The following MAP3K12 variants were observed in gnomAD, a reference collection of about 807,000 sequenced individuals.
The protein encoded by MAP3K12 is MAPK-upstream kinase.
In MAP3K12, 14 loss-of-function variants were observed where a neutral mutation model predicts 87.5. The ratio of observed to expected loss-of-function variants is 0.16; its 90% CI spans 0.11 to 0.25. The LOEUF (loss-of-function observed/expected upper bound fraction) is 0.25, where lower values mean the gene tolerates loss of function less well. Among genes scored for constraint, MAP3K12 ranks in the 10% least tolerant of loss-of-function variants. MAP3K12 has a pLI of 1.00. For missense variants in MAP3K12, 802 were observed against 1,140.4 expected, an observed-to-expected ratio of 0.70 and a Z score of 4.27; for synonymous variants, 469 against 452.5, an observed-to-expected ratio of 1.04 and a Z score of -0.46.
intron 1 of MAP3K12, among the ~76,000 whole-genome samples, chr12:53,491,876 C>G (rs1350372139): frequency 6.6e-6 from 1 of 151,444 alleles, no homozygotes. Context: ...GAGTTTGAGA[C>G]CAGCCTGGGG....
At chr12:53,496,211 A>G (rs1943545081) in intron 1 of MAP3K12, among the ~76,000 whole-genome samples, 1 of 152,100 alleles carries the variant, frequency 6.6e-6, no homozygotes. Flanking sequence ...ATAAACTGTG[A>G]TTTCAGGTTC....
intron 1 of MAP3K12, among the ~76,000 whole-genome samples, chr12:53,495,559 A>C (rs1177790035): frequency 3.3e-5 from 5 of 150,474 alleles, no homozygotes; most frequent in African/African-American, 1.2e-4. Flanking sequence ...AAAAAAAAAA[A>C]AAAAAAAAAT....
chr12:53,496,862 AAC>A (rs1943557808), intron 1 of MAP3K12, among the ~76,000 whole-genome samples: 2 of 152,168 alleles, frequency 1.3e-5, no homozygotes, highest in Admixed American at 6.5e-5. Context: ...TAGAGGAGAG[AAC>A]ACAGGCCTCA....
At chr12:53,497,169 C>T (rs1222851622) in intron 1 of MAP3K12, among the ~76,000 whole-genome samples, 2 of 152,192 alleles carry the variant, frequency 1.3e-5, no homozygotes, top group Admixed American at 6.5e-5. Context: ...CTCACTTGGT[C>T]TTGTTACGGG....
intron 6 of MAP3K12, 72 bp from the exon 7 acceptor site, chr12:53,484,437 T>C: frequency 4.6e-6 from 5 of 1,088,480 alleles, no homozygotes; most frequent in Non-Finnish European, 7.0e-6. Context: ...GAGCATCCTT[T>C]CCCAAAGTGT....
intron 1 of MAP3K12, among the ~76,000 whole-genome samples, chr12:53,494,044 C>T (rs1180244888): frequency 6.6e-6 from 1 of 152,170 alleles, no homozygotes; most frequent in Non-Finnish European, 1.5e-5. Context: ...ATTCCTCTCT[C>T]CCAACACACA....
intron 1 of MAP3K12, among the ~76,000 whole-genome samples, chr12:53,494,993 C>G (rs372510040): frequency 1.3e-5 from 2 of 151,872 alleles, no homozygotes; most frequent in African/African-American, 2.4e-5. Context: ...TGATCCTCCC[C>G]CTTCAGCCTC....
chr12:53,496,707 T>C (rs1471105405), intron 1 of MAP3K12, among the ~76,000 whole-genome samples: 1 of 152,282 alleles, frequency 6.6e-6, no homozygotes, highest in Non-Finnish European at 1.5e-5. Context: ...CGTATATTCC[T>C]AGTATTTCAG....
rs757231165 is a variant in MAP3K12 at position 53,487,315 on chromosome 12, A to C, written c.77T>G (p.Met26Arg). Reference sequence around the variant, plus strand: ...AGAAGTGTCTGGGTCCAGCTTGCGCATGGATGCCTCACTTAGGGTAGACAC... The same window carrying C: ...AGAAGTGTCTGGGTCCAGCTTGCGCCTGGATGCCTCACTTAGGGTAGACAC... ...GFVSTLSEASMRKLDPDTSDC... is the reference protein window; with the variant it reads ...GFVSTLSEASRRKLDPDTSDC... The change falls in exon 2 of 14, where the codon ATG becomes AGG. Residue 26 changes from methionine to arginine, a missense_variant. Physicochemically the swap from Met to Arg is moderately conservative, Grantham distance 91. Transcript: ENST00000547488. 6.2e-7 allele frequency: 1 copy of C among 1,614,004 alleles called. No homozygotes were observed. Among genetic ancestry groups the C allele is most frequent in the Non-Finnish European group, 8.5e-7 (1 of 1,179,984 alleles).
chr12:53,481,256 C>CGAA lies in MAP3K12; in HGVS notation c.2604_2605insTTC (p.Ser868_Asp869insPhe), dbSNP rs748126807. ...TTGTCCAATTCAGTGCTGTCACAGT[C>CGAA]TGAGTCCTCAGAATTGGGAGGGCCC... is the stretch of plus-strand genomic sequence containing the variant. On this transcript the variant is annotated inframe_insertion, in exon 14 of 14. Coordinates refer to ENST00000547488, the MANE Select transcript of MAP3K12 (RefSeq NM_001193511.2). 3.2e-6 allele frequency: 5 copies of CGAA among 1,565,886 alleles called. No individual in the cohort carries two copies. In the African/African-American group the frequency reaches 6.9e-5, roughly 22 times the overall value.
At position 53,486,752 on chromosome 12, in the gene MAP3K12, A is replaced by G; in HGVS notation, c.446-130T>C. The G allele has an allele frequency of 6.9e-7, 1 of 1,454,496 alleles. No individual in the cohort carries two copies. Among genetic ancestry groups the G allele is most frequent in the African/African-American group, 1.4e-5 (1 of 70,160 alleles). 90.1% of individuals were successfully genotyped at this position (1,454,496 alleles called of 1,614,324 possible). A position where few individuals can be genotyped will look rare whatever the true frequency, so the allele number is the denominator to read the frequency against. On this transcript the variant is annotated intron_variant, in intron 2 of 13. Coordinates refer to ENST00000547488, the MANE Select transcript of MAP3K12 (RefSeq NM_001193511.2). The surrounding 1 kb of genome is among the most constrained non-coding windows in gnomAD (Gnocchi z 4.9). ...AGAAAGCCAAAAATAGGCCAAGAAG[A>G]AGGTTCGAGGGGACAGGGAAGGAAT...
In MAP3K12 at chr12:53,495,271, G is replaced by A. The variant is rs1218190886; in HGVS notation, c.-38+4156C>T. ...GGAGAATGGCGTGAACCCAGGGGGC[G>A]GAGCCTGCAGTGAGCCGAGATGGAG... On this transcript the variant is annotated intron_variant, in intron 1 of 13. Transcript: ENST00000547488. Among the ~76,000 whole-genome samples the A allele has an allele frequency of 4.1e-5, 6 of 146,188 alleles. No homozygotes were observed. The South Asian group carries it at 6.6e-4, about 16-fold the overall frequency.
In MAP3K12 at chr12:53,482,284, A is replaced by T. The variant is rs1943078296; in HGVS notation, c.2309+15T>A. 1.2e-6 allele frequency: 2 copies of T among 1,613,972 alleles called. No homozygotes were observed. Among genetic ancestry groups the T allele is most frequent in the African/African-American group, 2.7e-5 (2 of 74,898 alleles). On this transcript the variant is annotated intron_variant, in intron 12 of 13. Transcript: ENST00000547488. Reference sequence around the variant, plus strand: ...AAACAAGAATGCCATTAATTCTTGTAATGCCATCACTTACCTCTGGCTTGA... The same window carrying T: ...AAACAAGAATGCCATTAATTCTTGTTATGCCATCACTTACCTCTGGCTTGA...
Position 53,481,841 on chromosome 12 carries a change from C to A in MAP3K12, c.2580+100G>T, listed in dbSNP as rs896660980. 1.7e-5 allele frequency: 24 copies of A among 1,428,062 alleles called. No individual in the cohort carries two copies. In the South Asian group the frequency reaches 3.0e-4, roughly 18 times the overall value. The allele number at this position is 1,428,062 out of a possible 1,614,324, so 88.5% of individuals were successfully genotyped here. Reference sequence around the variant, plus strand: ...GGATATTTGCTCTTTATGGTACTTTCTGGCCTGTGCAGCTGTCTCCCCAAA... The same window carrying A: ...GGATATTTGCTCTTTATGGTACTTTATGGCCTGTGCAGCTGTCTCCCCAAA... On this transcript the variant is annotated intron_variant, in intron 13 of 13. Coordinates refer to ENST00000547488, the MANE Select transcript of MAP3K12 (RefSeq NM_001193511.2).
chr12:53,492,616 C>T (rs1943444031), intron 1 of MAP3K12, among the ~76,000 whole-genome samples: 1 of 152,108 alleles, frequency 6.6e-6, no homozygotes, highest in Admixed American at 6.5e-5. Context: ...ACATATCCCA[C>T]GCGTTATTTG....
At position 53,489,016 on chromosome 12, in the gene MAP3K12, T is replaced by C. The variant is rs1443561287; in HGVS notation, c.-37-1588A>G. 2.7e-5 allele frequency among the ~76,000 whole-genome samples: 4 copies of C among 147,546 alleles called. No homozygotes were observed. In the East Asian group the frequency reaches 5.9e-4, roughly 22 times the overall value. On this transcript the variant is annotated intron_variant, in intron 1 of 13. Coordinates refer to ENST00000547488, the MANE Select transcript of MAP3K12 (RefSeq NM_001193511.2). Reference sequence around the variant, plus strand: ...AATCACTTGAACCCCAGAGGTGAGGTTGCAGTAAGCCAAGATCACACCACT... The same window carrying C: ...AATCACTTGAACCCCAGAGGTGAGGCTGCAGTAAGCCAAGATCACACCACT...
At chr12:53,492,421 G>T (rs1592720559) in intron 1 of MAP3K12, among the ~76,000 whole-genome samples, 1 of 152,090 alleles carries the variant, frequency 6.6e-6, no homozygotes, top group Non-Finnish European at 1.5e-5. Flanking sequence ...TCACCCCGGA[G>T]GATCGCCTTA....
rs992766224 is a variant in MAP3K12 at position 53,490,923 on chromosome 12, A to C, written c.-37-3495T>G. On this transcript the variant is annotated intron_variant, in intron 1 of 13. Transcript: ENST00000547488. ...GAGACCTTGTCACAAAAGAAAAAAC[A>C]ACCACCCCCACCAACAAACTTGGCC... 2.0e-5 allele frequency among the ~76,000 whole-genome samples: 3 copies of C among 152,026 alleles called. No individual in the cohort carries two copies. In the South Asian group the frequency reaches 6.2e-4, roughly 32 times the overall value.
rs935248081 is a variant in MAP3K12, at chr12:53,488,321, C to T, written c.-37-893G>A. On this transcript the variant is annotated intron_variant, in intron 1 of 13. Transcript: ENST00000547488. ...CCCCATCCTCTGCTCCCCAAACTTT[C>T]CAGGCAATGGAGATGTGTCCCAGTT... 3.7e-4 allele frequency among the ~76,000 whole-genome samples: 57 copies of T among 152,206 alleles called. 1 individual carries two copies. Among genetic ancestry groups the T allele is most frequent in the African/African-American group, 1.3e-3 (52 of 41,458 alleles).
Sources: gnomAD v4.1 joint callset for allele counts (sites outside exome capture counted in the v4.1 genomes callset) on GRCh38, gnomAD v4.1.1 for gene constraint, Gnocchi (gnomAD v3.1) non-coding constraint, MANE v1.5 for transcripts, NCBI Gene and HGNC (gene_info 2026-07-23, HGNC 2026-07-21) for gene names.